MSI2: variants seen among roughly 807,000 people sequenced by gnomAD.
MSI2 encodes the protein musashi RNA binding protein 2.
MSI2 carries 17 observed loss-of-function variants against 45.6 expected under a neutral mutation model. The ratio of observed to expected loss-of-function variants is 0.37; its 90% CI spans 0.26 to 0.56. The LOEUF is 0.56. MSI2 is among the 20% of genes least tolerant of loss of function. MSI2 has a pLI of 0.77. For synonymous variants in MSI2, 156 were observed against 158.2 expected, an observed-to-expected ratio of 0.99 and a Z score of 0.11; for missense variants, 293 against 444.2, an observed-to-expected ratio of 0.66 and a Z score of 3.06.
intron 6 of MSI2, among the ~76,000 whole-genome samples, chr17:57,507,297 A>G (rs1486032984): frequency 6.7e-6 from 1 of 149,442 alleles, no homozygotes; most frequent in East Asian, 2.0e-4. Flanking sequence ...CACCCCCGAC[A>G]ATGACTAAGA....
intron 6 of MSI2, among the ~76,000 whole-genome samples, chr17:57,431,517 G>C (rs1373055195): frequency 6.6e-6 from 1 of 152,186 alleles, no homozygotes; most frequent in Non-Finnish European, 1.5e-5. Flanking sequence ...GGTCGGTGCG[G>C]CATGTCTTTT....
intron 6 of MSI2, among the ~76,000 whole-genome samples, chr17:57,410,001 C>G (rs573879049): frequency 0.024 from 86 of 3,622 alleles, no homozygotes; most frequent in African/African-American, 0.035. Flanking sequence ...GTGTGAGACT[C>G]TGTCTCCAAA....
At chr17:57,587,676 G>A (rs893104376) in intron 7 of MSI2, among the ~76,000 whole-genome samples, 1 of 152,110 alleles carries the variant, frequency 6.6e-6, no homozygotes, top group African/African-American at 2.4e-5. Flanking sequence ...GACTCACGCC[G>A]ATCTCTGCCT....
At chr17:57,421,238 G>A (rs1022444203) in intron 6 of MSI2, among the ~76,000 whole-genome samples, 5 of 152,070 alleles carry the variant, frequency 3.3e-5, no homozygotes, top group Admixed American at 1.3e-4. Context: ...TAATGTCCAC[G>A]CTTAATGGCC....
intron 6 of MSI2, among the ~76,000 whole-genome samples, chr17:57,446,909 G>A (rs772050336): frequency 1.5e-4 from 23 of 152,142 alleles, no homozygotes; most frequent in Non-Finnish European, 8.8e-5. Context: ...GTTGGGGCAC[G>A]CCTTGAAGCT....
intron 6 of MSI2, among the ~76,000 whole-genome samples, chr17:57,462,424 G>T (rs1435363901): frequency 1.3e-5 from 2 of 152,160 alleles, no homozygotes; most frequent in Admixed American, 6.5e-5. Flanking sequence ...GGTGGGTGTT[G>T]TGCCCACGTG....
Position 57,632,794 on chromosome 17 carries a change from G to A in MSI2, c.727+5491G>A, listed in dbSNP as rs1439408883. 13 of 1,065,646 alleles carry A rather than the reference G, an allele frequency of 1.2e-5. No individual in the cohort carries two copies. In the East Asian group the frequency reaches 4.5e-4, roughly 37 times the overall value. 66.0% of individuals were successfully genotyped at this position (1,065,646 alleles called of 1,614,324 possible). On this transcript the variant is annotated intron_variant, in intron 10 of 13. Transcript: ENST00000284073. ...GTAGTTTGTGAGAAGTGACCCGCAC[G>A]CTTCCATTTGATGCATTTGATGTGA...
intron 6 of MSI2, among the ~76,000 whole-genome samples, chr17:57,469,958 A>C (rs1007029924): frequency 5.3e-5 from 8 of 152,156 alleles, no homozygotes; most frequent in African/African-American, 1.2e-4. Flanking sequence ...TGATGATGCC[A>C]TGATGCCTCA....
chr17:57,357,162 C>T (rs1441538025), intron 5 of MSI2, among the ~76,000 whole-genome samples: 1 of 152,092 alleles, frequency 6.6e-6, no homozygotes. Flanking sequence ...TGAGGACAGC[C>T]TTGTTCACTG....
chr17:57,570,239 T>A (rs975540955), intron 7 of MSI2, among the ~76,000 whole-genome samples: 1 of 152,172 alleles, frequency 6.6e-6, no homozygotes, highest in Non-Finnish European at 1.5e-5. Flanking sequence ...AGGCCCCACC[T>A]CAGACCAAGT....
At chr17:57,577,946 G>A (rs2088094716) in intron 7 of MSI2, among the ~76,000 whole-genome samples, 1 of 152,162 alleles carries the variant, frequency 6.6e-6, no homozygotes, top group African/African-American at 2.4e-5. Flanking sequence ...CCACCCGCAA[G>A]CAAAGCTTTG....
At chr17:57,581,160 G>T (rs552208458) in intron 7 of MSI2, among the ~76,000 whole-genome samples, 1 of 152,002 alleles carries the variant, frequency 6.6e-6, no homozygotes, top group African/African-American at 2.4e-5. Context: ...CTACAGGCGT[G>T]TGCCACCACG....
At position 57,639,792 on chromosome 17, in the gene MSI2, T is replaced by C. The variant is rs9909837; in HGVS notation, c.728-12307T>C. ...CTTAGGGATTCTACAGTCTTTCTCC[T>C]GAAACCCAGGACCAGCTTTGAAGGT... On this transcript the variant is annotated intron_variant, in intron 10 of 13. Transcript: ENST00000284073. Among the ~76,000 whole-genome samples the C allele has an allele frequency of 5.7e-3, 870 of 152,302 alleles. 12 individuals carry two copies. The highest frequency in any genetic ancestry group is 0.019 in the African/African-American group (808 of 41,568).
At chr17:57,513,322 A>T (rs1279811063) in intron 6 of MSI2, among the ~76,000 whole-genome samples, 2 of 152,128 alleles carry the variant, frequency 1.3e-5, no homozygotes, top group African/African-American at 4.8e-5. Flanking sequence ...ATAGGTACCA[A>T]CTTGAAGTGA....
chr17:57,381,728 C>T (rs1049916816), intron 5 of MSI2, among the ~76,000 whole-genome samples: 1 of 152,192 alleles, frequency 6.6e-6, no homozygotes, highest in Non-Finnish European at 1.5e-5. Context: ...TACAATTTAA[C>T]TTCAGTAGCC....
At chr17:57,339,012 G>T (rs1217954232) in intron 5 of MSI2, among the ~76,000 whole-genome samples, 1 of 152,210 alleles carries the variant, frequency 6.6e-6, no homozygotes, top group Non-Finnish European at 1.5e-5. Flanking sequence ...AGAAGTGGTG[G>T]GGGAGAGGGG....
At chr17:57,418,855 C>T (rs541040443) in intron 6 of MSI2, among the ~76,000 whole-genome samples, 4 of 152,236 alleles carry the variant, frequency 2.6e-5, no homozygotes, top group African/African-American at 9.6e-5. Flanking sequence ...CTGTAAAAAA[C>T]CAGTGACATT....
intron 5 of MSI2, among the ~76,000 whole-genome samples, chr17:57,302,067 A>G (rs1911462945): frequency 6.6e-6 from 1 of 152,172 alleles, no homozygotes; most frequent in Non-Finnish European, 1.5e-5. Context: ...GCATTTCCCT[A>G]ATCACTAACA....
chr17:57,644,082 C>T (rs1467327074), intron 10 of MSI2, among the ~76,000 whole-genome samples: 1 of 152,236 alleles, frequency 6.6e-6, no homozygotes, highest in African/African-American at 2.4e-5. Flanking sequence ...AACCAGCAGC[C>T]GCAACCTTCT....
Sources: gnomAD v4.1 joint callset for allele counts (sites outside exome capture counted in the v4.1 genomes callset) on GRCh38, gnomAD v4.1.1 for gene constraint, MANE v1.5 for transcripts, NCBI Gene and HGNC (gene_info 2026-07-23, HGNC 2026-07-21) for gene names.